The following ASTN2 variants were observed in gnomAD, a reference collection of about 807,000 sequenced individuals.
The protein encoded by ASTN2 is astrotactin-2.
Under a neutral mutation model 139.8 loss-of-function variants are expected in ASTN2, and 54 were observed. The ratio of observed to expected loss-of-function variants is 0.39; its 90% confidence interval spans 0.31 to 0.48. The LOEUF (loss-of-function observed/expected upper bound fraction) is 0.48. Among genes scored for constraint, ASTN2 ranks in the 20% least tolerant of loss-of-function variants. The pLI is 0.95. For missense variants in ASTN2, 1,565 were observed against 1,725.1 expected, an observed-to-expected ratio of 0.91 and a Z score of 1.64; for synonymous variants, 756 against 719.5, an observed-to-expected ratio of 1.05 and a Z score of -0.81.
At chr9:116,878,703 A>G (rs1240905997) in intron 10 of ASTN2, among the ~76,000 whole-genome samples, 2 of 151,520 alleles carry the variant, frequency 1.3e-5, no homozygotes, top group Non-Finnish European at 2.9e-5. Context: ...CAGAACTTAA[A>G]CTTATTTTTT....
intron 3 of ASTN2, among the ~76,000 whole-genome samples, chr9:117,167,397 T>A (rs1238427221): frequency 1.3e-5 from 2 of 152,276 alleles, no homozygotes; most frequent in East Asian, 3.9e-4. Flanking sequence ...TCAGGAGATT[T>A]TGAGATGATT....
intron 10 of ASTN2, among the ~76,000 whole-genome samples, chr9:116,970,933 T>A (rs1836178310): frequency 6.6e-6 from 1 of 152,210 alleles, no homozygotes; most frequent in Non-Finnish European, 1.5e-5. Context: ...GGTGAAATTG[T>A]GAAGAAGGCC....
At chr9:116,675,645 C>A (rs1859457161) in intron 16 of ASTN2, among the ~76,000 whole-genome samples, 1 of 152,144 alleles carries the variant, frequency 6.6e-6, no homozygotes, top group South Asian at 2.1e-4. Context: ...TTCTGTCTGT[C>A]ATGTCTTTCT....
intron 15 of ASTN2, among the ~76,000 whole-genome samples, chr9:116,726,166 A>G (rs1321324295): frequency 6.6e-6 from 1 of 152,184 alleles, no homozygotes; most frequent in Non-Finnish European, 1.5e-5. Context: ...CACGGTGACC[A>G]AGAGGGAATC....
At chr9:116,597,687 T>C (rs1007616236) in intron 19 of ASTN2, among the ~76,000 whole-genome samples, 4 of 152,038 alleles carry the variant, frequency 2.6e-5, no homozygotes, top group African/African-American at 7.2e-5. Flanking sequence ...TTATTTCTCA[T>C]CTGTATAATG....
intron 20 of ASTN2, among the ~76,000 whole-genome samples, chr9:116,469,083 T>C (rs1194489725): frequency 2.0e-5 from 3 of 152,230 alleles, no homozygotes; most frequent in Non-Finnish European, 4.4e-5. Context: ...GTGAGTTCCA[T>C]GGAAGCAGAG....
At chr9:117,316,672 G>A (rs564030000) in intron 1 of ASTN2, among the ~76,000 whole-genome samples, 2 of 152,298 alleles carry the variant, frequency 1.3e-5, no homozygotes, top group South Asian at 4.2e-4. Context: ...TCCATTGAAT[G>A]ACCGGAACAC....
In ASTN2 at chr9:116,703,222, A is replaced by G. The variant is rs966664085; in HGVS notation, c.2806+22549T>C. Among the ~76,000 whole-genome samples the G allele has an allele frequency of 4.6e-5, 7 of 151,608 alleles. No homozygotes were observed. In the East Asian group the frequency reaches 1.4e-3, roughly 29 times the overall value. On this transcript the variant is annotated intron_variant, in intron 16 of 22. Transcript: ENST00000313400. ...AGTGGTTTTGATTCGCATTTCTCTGATGGCCAGTGATGATGAGCATTTTTT... is the reference window on the plus strand; with the variant it reads ...AGTGGTTTTGATTCGCATTTCTCTGGTGGCCAGTGATGATGAGCATTTTTT...
intron 3 of ASTN2, among the ~76,000 whole-genome samples, chr9:117,170,619 G>A (rs2132923532): frequency 6.6e-6 from 1 of 152,200 alleles, no homozygotes; most frequent in South Asian, 2.1e-4. Flanking sequence ...AAAATGAGAA[G>A]GCCTGGGGAG....
At chr9:117,387,468 A>T (rs1352397938) in intron 1 of ASTN2, among the ~76,000 whole-genome samples, 1 of 152,166 alleles carries the variant, frequency 6.6e-6, no homozygotes, top group Non-Finnish European at 1.5e-5. Context: ...AGAGAGTGAC[A>T]TTAACTTAGA....
intron 16 of ASTN2, among the ~76,000 whole-genome samples, chr9:116,674,643 T>C (rs1090029): frequency 0.78 from 118,200 of 152,188 alleles, 46,673 homozygotes; most frequent in African/African-American, 0.92. Flanking sequence ...AGCTATGCAA[T>C]CCCCCTGGCC....
intron 17 of ASTN2, among the ~76,000 whole-genome samples, chr9:116,640,090 T>C (rs992681966): frequency 1.3e-5 from 2 of 152,144 alleles, no homozygotes; most frequent in Non-Finnish European, 2.9e-5. Context: ...AGAAAGGATG[T>C]TCTCTCGGTG....
At chr9:117,044,617 T>C (rs1411248004) in intron 5 of ASTN2, among the ~76,000 whole-genome samples, 1 of 152,218 alleles carries the variant, frequency 6.6e-6, no homozygotes, top group Non-Finnish European at 1.5e-5. Context: ...GCAGGCTTCT[T>C]ACTGCACTGC....
At chr9:117,248,790 G>A (rs957587509) in intron 2 of ASTN2, among the ~76,000 whole-genome samples, 2 of 152,226 alleles carry the variant, frequency 1.3e-5, no homozygotes, top group Non-Finnish European at 2.9e-5. Context: ...ACATGTAGGA[G>A]ATGGTGCCAA....
Position 116,429,911 on chromosome 9 carries a change from T to C in ASTN2, c.3783-3823A>G, listed in dbSNP as rs193103454. Among the ~76,000 whole-genome samples the C allele has an allele frequency of 2.0e-5, 3 of 152,286 alleles. 1 individual carries two copies. The highest frequency in any genetic ancestry group is 1.3e-4 in the Admixed American group (2 of 15,300). On this transcript the variant is annotated intron_variant, in intron 22 of 22. Coordinates refer to ENST00000313400, the MANE Select transcript of ASTN2 (RefSeq NM_001365068.1). Reference sequence around the variant, plus strand: ...CACACCTGAGCTAGTTCTTCAATAATGAAACAGCATTTTCAGGTAGATGAG... The same window carrying C: ...CACACCTGAGCTAGTTCTTCAATAACGAAACAGCATTTTCAGGTAGATGAG...
intron 16 of ASTN2, among the ~76,000 whole-genome samples, chr9:116,684,610 T>G (rs972111264): frequency 6.6e-6 from 1 of 152,180 alleles, no homozygotes; most frequent in Non-Finnish European, 1.5e-5. Context: ...GTTTTTGCCA[T>G]GCAAGCCTTA....
chr9:116,697,720 C>T, intron 16 of ASTN2: 1 of 1,613,352 alleles, frequency 6.2e-7, no homozygotes, highest in Non-Finnish European at 8.5e-7. Context: ...GCTGTGCTAG[C>T]AATACCCTTC....
chr9:116,970,726 G>A (rs374165887), intron 10 of ASTN2, among the ~76,000 whole-genome samples: 15 of 152,288 alleles, frequency 9.8e-5, no homozygotes, highest in African/African-American at 3.6e-4. Flanking sequence ...CACCAAGTGA[G>A]CCATGCCAGC....
chr9:117,339,096 G>C (rs373312859), intron 1 of ASTN2, among the ~76,000 whole-genome samples: 6 of 152,012 alleles, frequency 3.9e-5, no homozygotes, highest in African/African-American at 1.5e-4. Flanking sequence ...GAGGTAATGG[G>C]CACAGCAGGA....
Sources: gnomAD v4.1 joint callset for allele counts (sites outside exome capture counted in the v4.1 genomes callset) on GRCh38, gnomAD v4.1.1 for gene constraint, MANE v1.5 for transcripts, NCBI Gene and HGNC (gene_info 2026-07-23, HGNC 2026-07-21) for gene names.